Variants in ADGRL4 observed in about 807,000 individuals in gnomAD.
The protein encoded by ADGRL4 is EGF, latrophilin and seven transmembrane domain containing 1.
A neutral mutation model predicts 74.8 loss-of-function variants in ADGRL4; 90 were observed. The ratio of observed to expected loss-of-function variants is 1.20; its 90% CI spans 1.02 to 1.43. The LOEUF (loss-of-function observed/expected upper bound fraction) is 1.43, where lower values mean the gene tolerates loss of function less well. Among genes scored for constraint, ADGRL4 ranks in the 40% most tolerant of loss-of-function variants. The probability of loss-of-function intolerance (pLI) is 0.00; values close to 1 mark genes in which losing one functional copy is unlikely to be tolerated. For missense variants in ADGRL4, 881 were observed against 814.3 expected (o/e 1.08, Z -1.00); for synonymous variants, 311 against 279.2 (o/e 1.11, Z -1.14).
At chr1:78,962,537 C>T (rs1488075908) in intron 2 of ADGRL4, among the ~76,000 whole-genome samples, 1 of 152,070 alleles carries the variant, frequency 6.6e-6, no homozygotes, top group Admixed American at 6.6e-5. Context: ...CATTTCCTTG[C>T]CTCTCTCCCC....
At chr1:78,920,491 A>G in intron 9 of ADGRL4, 105 bp from the exon 10 acceptor site, 1 of 690,960 alleles carries the variant, frequency 1.4e-6, no homozygotes, top group South Asian at 2.4e-5. Context: ...ATTAATCAAA[A>G]TGTTCATAAA....
chr1:78,903,548 GTT>G (rs1454089502), intron 12 of ADGRL4, among the ~76,000 whole-genome samples: 1 of 152,008 alleles, frequency 6.6e-6, no homozygotes, highest in African/African-American at 2.4e-5. Flanking sequence ...TAGATCCACA[GTT>G]TTCAGTCATA....
Position 79,005,170 on chromosome 1 carries a change from C to T in ADGRL4, c.72G>A (p.Lys24=), listed in dbSNP as rs1650932706. Reference sequence around the variant, plus strand: ...ATTTTGCATTTGGGAGACAAGGTGTCTTGGTGCAATTTTGAGTATAGGAAC... The same window carrying T: ...ATTTTGCATTTGGGAGACAAGGTGTTTTGGTGCAATTTTGAGTATAGGAAC... ...LNCSYTQNCT[K]TPCLPNAKCE... The change falls in exon 2 of 15, where the codon AAG becomes AAA. Residue 24 remains lysine, a synonymous_variant. Transcript: ENST00000370742. The T allele has an allele frequency of 1.2e-6, 2 of 1,613,442 alleles. No individual in the cohort carries two copies. The highest frequency in any genetic ancestry group is 3.3e-5 in the Admixed American group (2 of 59,960).
chr1:78,891,432 T>C, intron 14 of ADGRL4, 92 bp downstream of exon 14: 1 of 1,375,160 alleles, frequency 7.3e-7, no homozygotes, highest in Non-Finnish European at 9.9e-7. Flanking sequence ...AAGGCAGAAG[T>C]CATAAATCTA....
At chr1:78,894,852 A>G (rs916271570) in intron 12 of ADGRL4, among the ~76,000 whole-genome samples, 1 of 151,976 alleles carries the variant, frequency 6.6e-6, no homozygotes, top group African/African-American at 2.4e-5. Flanking sequence ...CAAGTTTTCC[A>G]CATAAATAGT....
rs572929398 is a variant in ADGRL4, at chr1:78,930,011, T to C, written c.878-2920A>G. ...CTTGGTTAATTAGAATATGGTATAA[T>C]AGAGTAAAAGCCAAGGTTTCAATGG... On this transcript the variant is annotated intron_variant, in intron 7 of 14. Coordinates refer to ENST00000370742, the MANE Select transcript of ADGRL4 (RefSeq NM_022159.4). 7.4e-4 allele frequency among the ~76,000 whole-genome samples: 112 copies of C among 151,562 alleles called. 3 individuals carry two copies. The highest frequency in any genetic ancestry group is 2.7e-3 in the African/African-American group (110 of 40,896).
chr1:78,956,255 C>T (rs1649827061), intron 2 of ADGRL4, among the ~76,000 whole-genome samples: 1 of 152,118 alleles, frequency 6.6e-6, no homozygotes, highest in Non-Finnish European at 1.5e-5. Flanking sequence ...TGTAAACTTA[C>T]ATAACTTTCC....
intron 12 of ADGRL4, among the ~76,000 whole-genome samples, chr1:78,915,016 G>A (rs571284249): frequency 1.4e-3 from 209 of 151,986 alleles, no homozygotes; most frequent in Middle Eastern, 3.4e-3. Context: ...ATTCTTCAAA[G>A]ATGAATATCC....
chr1:79,004,718 T>C (rs1650924174), intron 2 of ADGRL4, among the ~76,000 whole-genome samples: 1 of 152,122 alleles, frequency 6.6e-6, no homozygotes, highest in African/African-American at 2.4e-5. Flanking sequence ...CTTGGTATCA[T>C]GTAAAGAGGG....
chr1:79,000,854 A>G (rs1650825565), intron 2 of ADGRL4, among the ~76,000 whole-genome samples: 1 of 152,090 alleles, frequency 6.6e-6, no homozygotes, highest in African/African-American at 2.4e-5. Context: ...CTTTAAACAA[A>G]TTTGATACAT....
intron 2 of ADGRL4, among the ~76,000 whole-genome samples, chr1:78,971,919 C>T (rs1276402335): frequency 1.3e-5 from 2 of 152,066 alleles, no homozygotes; most frequent in African/African-American, 4.8e-5. Context: ...CCATGCCCAG[C>T]TAATTTTTTG....
At chr1:78,955,062 G>A (rs1333650550) in intron 2 of ADGRL4, among the ~76,000 whole-genome samples, 1 of 152,090 alleles carries the variant, frequency 6.6e-6, no homozygotes, top group African/African-American at 2.4e-5. Flanking sequence ...TTCAGGAAAT[G>A]TGTAGATATT....
chr1:78,907,721 T>C (rs1037009808), intron 12 of ADGRL4, among the ~76,000 whole-genome samples: 8 of 151,692 alleles, frequency 5.3e-5, no homozygotes, highest in African/African-American at 1.5e-4. Flanking sequence ...TGATAGGGAA[T>C]GTTTTAGGGC....
chr1:78,994,793 C>T (rs1650680947), intron 2 of ADGRL4, among the ~76,000 whole-genome samples: 1 of 152,148 alleles, frequency 6.6e-6, no homozygotes, highest in Non-Finnish European at 1.5e-5. Context: ...TTTGATCATC[C>T]TGCCTCATTA....
intron 2 of ADGRL4, among the ~76,000 whole-genome samples, chr1:78,951,741 C>T (rs1035272334): frequency 1.3e-5 from 2 of 152,114 alleles, no homozygotes; most frequent in African/African-American, 4.8e-5. Context: ...ATCATGCTAG[C>T]GTAGAAAGAG....
In ADGRL4 at chr1:78,893,172, A is replaced by C. The variant is rs1213950011; in HGVS notation, c.1767T>G (p.Phe589Leu). Residue 589 changes from phenylalanine to leucine, a missense_variant, in exon 13 of 15, where the codon TTT (phenylalanine) becomes TTG (leucine). By Grantham distance (22) the Phe-to-Leu change is conservative. Coordinates refer to ENST00000370742, the MANE Select transcript of ADGRL4 (RefSeq NM_022159.4). The stretch of plus-strand genomic sequence containing the variant: ...GAAAAACTTTGTATATGATGACTCC[A>C]AAAGCCAAGAGATTAACCTGGAAAA... ...CLIILVNLLA[F>L]GVIIYKVFRH... The C allele has an allele frequency of 1.9e-6, 3 of 1,600,848 alleles. No individual in the cohort carries two copies. Among genetic ancestry groups the C allele is most frequent in the Non-Finnish European group, 2.6e-6 (3 of 1,173,854 alleles).
At position 78,958,100 on chromosome 1, in the gene ADGRL4, G is replaced by T. The variant is rs113478852; in HGVS notation, c.173-11674C>A. ...AGCCCATTGTTAAAAAAATAAAACAGTGGGCCTACTTCTCAGAAAACAAGG... is the reference window on the plus strand; with the variant it reads ...AGCCCATTGTTAAAAAAATAAAACATTGGGCCTACTTCTCAGAAAACAAGG... On this transcript the variant is annotated intron_variant, in intron 2 of 14. Coordinates refer to ENST00000370742, the MANE Select transcript of ADGRL4 (RefSeq NM_022159.4). Among the ~76,000 whole-genome samples, 163 of 151,892 alleles carry T rather than the reference G, an allele frequency of 1.1e-3. No individual in the cohort carries two copies. The Middle Eastern group carries it at 0.02, about 19-fold the overall frequency.
chr1:78,906,099 A>G (rs1350832198), intron 12 of ADGRL4, among the ~76,000 whole-genome samples: 2 of 152,046 alleles, frequency 1.3e-5, no homozygotes, highest in Non-Finnish European at 2.9e-5. Flanking sequence ...CTAAAGATTC[A>G]TGGGTTTTAT....
At chr1:78,964,512 C>T (rs374778849) in intron 2 of ADGRL4, among the ~76,000 whole-genome samples, 12 of 152,128 alleles carry the variant, frequency 7.9e-5, no homozygotes, top group South Asian at 2.1e-4. Context: ...GATTAGGTTG[C>T]GTTCCTACTA....
Sources: gnomAD v4.1 joint callset for allele counts (sites outside exome capture counted in the v4.1 genomes callset) on GRCh38, gnomAD v4.1.1 for gene constraint, MANE v1.5 for transcripts, NCBI Gene and HGNC (gene_info 2026-07-23, HGNC 2026-07-21) for gene names.